SLC3A1: variants seen among roughly 807,000 people sequenced by gnomAD.
SLC3A1 encodes the protein solute carrier family 3 member 1.
SLC3A1 carries 78 observed loss-of-function variants against 60.3 expected under a neutral mutation model. The ratio of observed to expected loss-of-function variants is 1.29; its 90% CI spans 1.08 to 1.56. The LOEUF (loss-of-function observed/expected upper bound fraction) is 1.56. SLC3A1 is among the 40% of genes most tolerant of loss of function. The pLI is 0.00. For synonymous variants in SLC3A1, 392 were observed against 307.9 expected (o/e 1.27, Z -2.86); for missense variants, 1,172 against 858.9 (o/e 1.36, Z -4.56).
chr2:44,312,270 CCA>C (rs1365421531), intron 7 of SLC3A1, among the ~76,000 whole-genome samples: 10 of 152,154 alleles, frequency 6.6e-5, no homozygotes, highest in Admixed American at 5.2e-4. Context: ...TTGCTCTCTG[CCA>C]CAGTTTTGCT....
chr2:44,280,741 C>CA lies in SLC3A1; in HGVS notation c.457dup (p.Thr153AsnfsTer15). 3.1e-6 allele frequency: 5 copies of CA among 1,609,402 alleles called. No homozygotes were observed. The highest frequency in any genetic ancestry group is 4.3e-6 in the Non-Finnish European group (5 of 1,175,846). On this transcript the variant is annotated frameshift_variant, in exon 2 of 10. Coordinates refer to ENST00000260649, the MANE Select transcript of SLC3A1 (RefSeq NM_000341.4). LOFTEE classifies it high-confidence loss of function. ...GTATTCAAGATAAACTGGACTACAT[C>CA]ACAGCTTTAAATATAAAAACTGTTT...
intron 6 of SLC3A1, among the ~76,000 whole-genome samples, chr2:44,302,218 C>T (rs1672029669): frequency 6.6e-6 from 1 of 152,172 alleles, no homozygotes; most frequent in South Asian, 2.1e-4. Flanking sequence ...TGCTCTGTAG[C>T]TGTGTGACCT....
chr2:44,312,765 A>T lies in SLC3A1; in HGVS notation c.1500+12A>T. On this transcript the variant is annotated intron_variant, in intron 8 of 9. Transcript: ENST00000260649. ...AAAGCTATGATATTGTAAGTTGAATACAACTTGACTATTCATCACAGCTAT... is the reference window on the plus strand; with the variant it reads ...AAAGCTATGATATTGTAAGTTGAATTCAACTTGACTATTCATCACAGCTAT... 1 of 1,595,912 alleles carries T rather than the reference A, an allele frequency of 6.3e-7. No individual in the cohort carries two copies. The highest frequency in any genetic ancestry group is 8.5e-7 in the Non-Finnish European group (1 of 1,172,336).
At chr2:44,321,922 A>G (rs181257563), downstream of SLC3A1, 296 of 1,606,008 alleles carry the variant, frequency 1.8e-4, no homozygotes, top group Non-Finnish European at 5.1e-5. Flanking sequence ...AACATGTAGA[A>G]CAATTAGAAG....
chr2:44,275,794 G>C lies in SLC3A1; in HGVS notation c.259G>C (p.Glu87Gln). 1.2e-6 allele frequency: 2 copies of C among 1,614,250 alleles called. No homozygotes were observed. Among genetic ancestry groups the C allele is most frequent in the Middle Eastern group, 1.6e-4 (1 of 6,062 alleles). Residue 87 changes from glutamate to glutamine, a missense_variant, in exon 1 of 10, where the codon GAG becomes CAG. Transcript: ENST00000260649. ...SGQARYRIPREILFWLTVASV... is the reference protein window; with the variant it reads ...SGQARYRIPRQILFWLTVASV... The stretch of plus-strand genomic sequence containing the variant: ...CCAGGCCCGCTACCGCATACCTCGG[G>C]AGATCCTCTTCTGGCTCACAGTGGC...
In SLC3A1 at chr2:44,320,084, A is replaced by T. The variant is rs1037415766; in HGVS notation, c.1618-115A>T. ...TGATGCTTACAATTTGGCAATTATA[A>T]GGGGCAAAATTGGAGCAAGTGTTTT... On this transcript the variant is annotated intron_variant, in intron 9 of 9. Transcript: ENST00000260649. 1.5e-5 allele frequency: 13 copies of T among 862,166 alleles called. No individual in the cohort carries two copies. In the African/African-American group the frequency reaches 2.2e-4, roughly 15 times the overall value. The allele number at this position is 862,166 out of a possible 1,614,324, so 53.4% of individuals were successfully genotyped here. A position where few individuals can be genotyped will look rare whatever the true frequency, so the allele number is the denominator to read the frequency against.
chr2:44,304,341 A>T lies in SLC3A1; in HGVS notation c.1332+3A>T. 6.2e-7 allele frequency: 1 copy of T among 1,610,754 alleles called. No homozygotes were observed. On this transcript the variant is annotated splice_donor_region_variant and intron_variant, in intron 7 of 9. Coordinates refer to ENST00000260649, the MANE Select transcript of SLC3A1 (RefSeq NM_000341.4). ...AAGGAAAATGGCCTAACTGGATGGT[A>T]AGTCCTCATGACAGCAGAGTACATA...
intron 5 of SLC3A1, among the ~76,000 whole-genome samples, chr2:44,300,651 G>GTA: frequency 6.6e-6 from 1 of 152,224 alleles, no homozygotes; most frequent in South Asian, 2.1e-4. Context: ...AGCAGATAAA[G>GTA]TATACATGTA....
At chr2:44,322,342 A>G (rs962615656), downstream of SLC3A1, among the ~76,000 whole-genome samples, 1 of 152,206 alleles carries the variant, frequency 6.6e-6, no homozygotes, top group Admixed American at 6.5e-5. Context: ...TCATGCAGCT[A>G]AACAGTTTGG....
intron 3 of SLC3A1, chr2:44,285,748 G>T: frequency 1.7e-6 from 1 of 592,250 alleles, no homozygotes. Flanking sequence ...AGTAATGTCA[G>T]TTCCTTAAGT....
intron 4 of SLC3A1, among the ~76,000 whole-genome samples, chr2:44,298,346 T>TCTGGCCACA (rs1671909366): frequency 6.6e-6 from 1 of 152,134 alleles, no homozygotes; most frequent in East Asian, 1.9e-4. Flanking sequence ...CTTATGCTCC[T>TCTGGCCACA]CTGGCCACAC....
At chr2:44,277,525 A>G (rs1018229979) in intron 1 of SLC3A1, among the ~76,000 whole-genome samples, 1 of 151,974 alleles carries the variant, frequency 6.6e-6, no homozygotes, top group Non-Finnish European at 1.5e-5. Context: ...AGCCTCCCTA[A>G]TCAGACCATG....
At chr2:44,293,698 T>G (rs952483867) in intron 4 of SLC3A1, among the ~76,000 whole-genome samples, 3 of 152,082 alleles carry the variant, frequency 2.0e-5, no homozygotes, top group Non-Finnish European at 4.4e-5. Flanking sequence ...AGCGAATTGC[T>G]CACATGTGAA....
chr2:44,299,293 C>T (rs1671940130), intron 4 of SLC3A1, among the ~76,000 whole-genome samples: 1 of 152,206 alleles, frequency 6.6e-6, no homozygotes, highest in South Asian at 2.1e-4. Flanking sequence ...CCTGCCTCGG[C>T]CTCCCAGAGT....
At chr2:44,315,503 CAAAA>C (rs11324145) in intron 9 of SLC3A1, among the ~76,000 whole-genome samples, 7 of 132,710 alleles carry the variant, frequency 5.3e-5, no homozygotes, top group East Asian at 2.2e-4. Context: ...CTACCCCCGC[CAAAA>C]AAAAAAAAAA....
chr2:44,320,720 C>A lies in SLC3A1; in HGVS notation c.*81C>A. On this transcript the variant is annotated 3_prime_UTR_variant, in exon 10 of 10. Transcript: ENST00000260649. ...TAATAGCTTCATGTACAGCATGCTG[C>A]TTGGTGAACAATCATTAATTCTTCG... 9.4e-7 allele frequency: 1 copy of A among 1,058,918 alleles called. No individual in the cohort carries two copies. The highest frequency in any genetic ancestry group is 1.5e-6 in the Non-Finnish European group (1 of 679,612). The allele number at this position is 1,058,918 out of a possible 1,614,324, so 65.6% of individuals were successfully genotyped here. A position where few individuals can be genotyped will look rare whatever the true frequency, so the allele number is the denominator to read the frequency against.
At chr2:44,300,130 G>A (rs1671965892) in intron 5 of SLC3A1, 40 bp downstream of exon 5, 1 of 1,606,526 alleles carries the variant, frequency 6.2e-7, no homozygotes, top group African/African-American at 1.3e-5. Flanking sequence ...TGCCTTTTCT[G>A]AAAATGTCAT....
rs755354952 is a variant in SLC3A1 at position 44,320,183 on chromosome 2, T to C, written c.1618-16T>C. The C allele has an allele frequency of 1.2e-6, 2 of 1,602,076 alleles. No individual in the cohort carries two copies. The highest frequency in any genetic ancestry group is 1.7e-4 in the Middle Eastern group (1 of 5,894). On this transcript the variant is annotated splice_polypyrimidine_tract_variant and intron_variant, in intron 9 of 9. Coordinates refer to ENST00000260649, the MANE Select transcript of SLC3A1 (RefSeq NM_000341.4). The stretch of plus-strand genomic sequence containing the variant: ...TAGAATCAAACACTTACGTAAATAC[T>C]TTTTTAAAAAAATAGGTCCAAAAGA...
At chr2:44,319,544 T>TAGA (rs1360979814) in intron 9 of SLC3A1, 1 of 152,468 alleles carries the variant, frequency 6.6e-6, no homozygotes, top group Non-Finnish European at 1.5e-5. Context: ...CTTGAAAGGT[T>TAGA]AGAAGTACAT....
Sources: gnomAD v4.1 joint callset for allele counts (sites outside exome capture counted in the v4.1 genomes callset) on GRCh38, gnomAD v4.1.1 for gene constraint, MANE v1.5 for transcripts, NCBI Gene and HGNC (gene_info 2026-07-23, HGNC 2026-07-21) for gene names.